CCDC102B: variants seen among roughly 807,000 people sequenced by gnomAD.
The protein encoded by CCDC102B is coiled-coil domain-containing protein 102B.
Under a neutral mutation model 57.4 loss-of-function variants are expected in CCDC102B, and 75 were observed. That is an observed-to-expected ratio of 1.31 (90% CI 1.08 to 1.58). The LOEUF is 1.58. Ranked by LOEUF, CCDC102B falls within the 40% of genes most tolerant of loss-of-function variation. CCDC102B has a pLI of 0.00. For missense variants in CCDC102B, 636 were observed against 582.6 expected (o/e 1.09, Z -0.94); for synonymous variants, 206 against 201.9 (o/e 1.02, Z -0.17).
rs967061288 is a variant in CCDC102B at position 68,908,713 on chromosome 18, A to G, written c.1263+11285A>G. 5.3e-5 allele frequency: 8 copies of G among 152,318 alleles called. No individual in the cohort carries two copies. In the East Asian group the frequency reaches 1.5e-3, roughly 29 times the overall value. The allele number at this position is 152,318 out of a possible 1,614,324, so 9.4% of individuals were successfully genotyped here. A position where few individuals can be genotyped will look rare whatever the true frequency, so the allele number is the denominator to read the frequency against. ...TATTACTATAAAAAATCAGTGTGGT[A>G]TTGATTTTGGTCTTCAAACTTAAAT... On this transcript the variant is annotated intron_variant, in intron 6 of 7. Coordinates refer to ENST00000360242, the MANE Select transcript of CCDC102B (RefSeq NM_024781.3).
chr18:68,929,996 A>C (rs2041613581), intron 6 of CCDC102B, among the ~76,000 whole-genome samples: 2 of 151,672 alleles, frequency 1.3e-5, no homozygotes, highest in Non-Finnish European at 2.9e-5. Context: ...CTTGTCATCT[A>C]CACTAGCTCA....
At chr18:68,752,210 A>C (rs60228376) in intron 2 of CCDC102B, among the ~76,000 whole-genome samples, 1 of 152,242 alleles carries the variant, frequency 6.6e-6, no homozygotes, top group East Asian at 1.9e-4. Context: ...CAGTGAGCCA[A>C]GATCGCGCCA....
intron 6 of CCDC102B, among the ~76,000 whole-genome samples, chr18:69,004,728 A>C (rs1427287637): frequency 1.3e-5 from 2 of 152,150 alleles, no homozygotes; most frequent in Non-Finnish European, 2.9e-5. Context: ...ACTGGATTCT[A>C]AGCTTTACAA....
rs1177606216 is a variant in CCDC102B at position 69,054,409 on chromosome 18, CT to C, written c.*277del. 9.2e-7 allele frequency: 1 copy of C among 1,084,220 alleles called. No individual in the cohort carries two copies. Among genetic ancestry groups the C allele is most frequent in the Non-Finnish European group, 1.1e-6 (1 of 894,790 alleles). The allele number at this position is 1,084,220 out of a possible 1,614,324, so 67.2% of individuals were successfully genotyped here. On this transcript the variant is annotated 3_prime_UTR_variant, in exon 8 of 8. Transcript: ENST00000360242. ...AAAGTCAAAAAGGGCTTTCAGAATA[CT>C]TTTTACATAAAATCTGAAAGAGTTA... is the stretch of plus-strand genomic sequence containing the variant.
intron 7 of CCDC102B, among the ~76,000 whole-genome samples, chr18:69,043,443 C>G (rs751011885): frequency 6.6e-6 from 1 of 152,024 alleles, no homozygotes; most frequent in Non-Finnish European, 1.5e-5. Context: ...TCCCTTCCCA[C>G]GAGACCATAT....
rs982172947 is a variant in CCDC102B at position 69,054,260 on chromosome 18, T to G, written c.*123T>G. The G allele has an allele frequency of 7.4e-7, 1 of 1,346,390 alleles. No individual in the cohort carries two copies. The highest frequency in any genetic ancestry group is 1.5e-5 in the African/African-American group (1 of 66,032). The allele number at this position is 1,346,390 out of a possible 1,614,324, so 83.4% of individuals were successfully genotyped here. A position where few individuals can be genotyped will look rare whatever the true frequency, so the allele number is the denominator to read the frequency against. ...ATATTAATGAAAAAAACGTAGACAA[T>G]ACACAAATTAATGGGCTTCTTCACT... On this transcript the variant is annotated 3_prime_UTR_variant, in exon 8 of 8. Coordinates refer to ENST00000360242, the MANE Select transcript of CCDC102B (RefSeq NM_024781.3).
At chr18:68,719,401 T>C (rs1347216250) in intron 2 of CCDC102B, among the ~76,000 whole-genome samples, 1 of 152,106 alleles carries the variant, frequency 6.6e-6, no homozygotes, top group African/African-American at 2.4e-5. Flanking sequence ...AACCTGATAA[T>C]GAGGGGTCCA....
At chr18:68,909,384 G>A (rs1599673022) in intron 6 of CCDC102B, among the ~76,000 whole-genome samples, 1 of 152,118 alleles carries the variant, frequency 6.6e-6, no homozygotes, top group East Asian at 1.9e-4. Context: ...CTATGTTAAA[G>A]GAAGTTCTAT....
At chr18:68,810,508 A>G (rs2036202860) in intron 1 of CCDC102B, among the ~76,000 whole-genome samples, 1 of 152,080 alleles carries the variant, frequency 6.6e-6, no homozygotes. Context: ...AATCCAGGAA[A>G]TAATATCTCT....
At chr18:68,729,797 A>G (rs1167725830) in intron 2 of CCDC102B, among the ~76,000 whole-genome samples, 1 of 152,214 alleles carries the variant, frequency 6.6e-6, no homozygotes, top group African/African-American at 2.4e-5. Context: ...TGGTTTATTA[A>G]TTGAAAGACA....
chr18:68,846,197 A>C (rs2037847858), intron 3 of CCDC102B, 116 bp from the exon 4 acceptor site: 1 of 491,724 alleles, frequency 2.0e-6, no homozygotes, highest in East Asian at 3.5e-5. Flanking sequence ...TCTCTCATTA[A>C]GATGATCAGT....
chr18:68,905,144 G>T (rs528012525), intron 6 of CCDC102B, among the ~76,000 whole-genome samples: 1 of 150,326 alleles, frequency 6.7e-6, no homozygotes, highest in East Asian at 2.0e-4. Flanking sequence ...TCAAACAGGT[G>T]ATATGTTAAC....
chr18:68,995,763 G>C (rs1821096), intron 6 of CCDC102B, among the ~76,000 whole-genome samples: 130,604 of 152,144 alleles, frequency 0.86, 57,983 homozygotes, highest in Non-Finnish European at 0.97. Flanking sequence ...ACAGAGTCCC[G>C]ACTGGGAAAC....
At chr18:68,871,585 T>C (rs1240514683) in intron 4 of CCDC102B, among the ~76,000 whole-genome samples, 1 of 152,158 alleles carries the variant, frequency 6.6e-6, no homozygotes, top group Non-Finnish European at 1.5e-5. Context: ...TTCCCTGCTA[T>C]ATTGTTTTAA....
intron 2 of CCDC102B, chr18:68,717,912 G>A (rs2032113032): frequency 6.6e-6 from 1 of 152,158 alleles, no homozygotes; most frequent in African/African-American, 2.4e-5. Flanking sequence ...GCATGATTTA[G>A]TCATGAGGTG....
intron 3 of CCDC102B, among the ~76,000 whole-genome samples, chr18:68,842,855 T>G (rs961242378): frequency 3.3e-5 from 5 of 152,116 alleles, no homozygotes; most frequent in African/African-American, 1.2e-4. Context: ...TCCGCTCAAA[T>G]TTGCTAATTT....
At chr18:69,050,892 CTA>C (rs2052687359) in intron 7 of CCDC102B, among the ~76,000 whole-genome samples, 1 of 152,166 alleles carries the variant, frequency 6.6e-6, no homozygotes, top group Non-Finnish European at 1.5e-5. Context: ...ATTAATAAGA[CTA>C]TTTATTTTAG....
chr18:68,969,878 T>C (rs557325133), intron 6 of CCDC102B, among the ~76,000 whole-genome samples: 2 of 152,190 alleles, frequency 1.3e-5, no homozygotes, highest in South Asian at 4.1e-4. Flanking sequence ...GAGCAAATTA[T>C]CAATGGTTTT....
intron 2 of CCDC102B, among the ~76,000 whole-genome samples, chr18:68,743,457 C>T (rs2033489068): frequency 6.6e-6 from 1 of 152,088 alleles, no homozygotes; most frequent in African/African-American, 2.4e-5. Flanking sequence ...TCCCTTGCAT[C>T]TCTGTCTTGA....
Sources: allele counts gnomAD v4.1 joint callset (sites outside exome capture counted in the v4.1 genomes callset), GRCh38; gene constraint gnomAD v4.1.1; transcripts MANE v1.5; gene names NCBI Gene and HGNC (gene_info 2026-07-23, HGNC 2026-07-21).